Variants in DNAH11 observed in about 807,000 individuals in gnomAD.
DNAH11 encodes the protein dynein axonemal heavy chain 11.
DNAH11 carries 442 observed loss-of-function variants against 526.0 expected under a neutral mutation model. The ratio of observed to expected loss-of-function variants is 0.84; its 90% confidence interval spans 0.78 to 0.91. DNAH11 has a LOEUF of 0.91. Ranked by LOEUF, DNAH11 falls within the 40% of genes least tolerant of loss-of-function variation. The pLI, the probability that DNAH11 is intolerant of heterozygous loss-of-function variation, is 0.00. For missense variants in DNAH11, 6,989 were observed against 5,448.7 expected (o/e 1.28, Z -8.90); for synonymous variants, 2,461 against 1,935.9 (o/e 1.27, Z -7.12).
At chr7:21,869,133 G>C in intron 73 of DNAH11, 142 bp downstream of exon 73, 2 of 1,233,798 alleles carry the variant, frequency 1.6e-6, no homozygotes, top group Non-Finnish European at 2.2e-6. Context: ...CAGTGTTCAT[G>C]ATGCCTGCAA....
chr7:21,794,805 T>G (rs1279269339), intron 61 of DNAH11, among the ~76,000 whole-genome samples: 1 of 152,172 alleles, frequency 6.6e-6, no homozygotes, highest in Non-Finnish European at 1.5e-5. Context: ...AAAAAGCAGT[T>G]TTCTTGCAAG....
chr7:21,607,163 T>C (rs1324367167), intron 20 of DNAH11, among the ~76,000 whole-genome samples: 2 of 151,488 alleles, frequency 1.3e-5, no homozygotes, highest in South Asian at 2.1e-4. Context: ...AGCAAGCTGG[T>C]GTAGGTCCAA....
intron 1 of DNAH11, chr7:21,543,818 A>AC: frequency 1.7e-6 from 1 of 573,356 alleles, no homozygotes; most frequent in East Asian, 3.0e-5. Flanking sequence ...TTTGTATCTG[A>AC]CCGAGAATCC....
At chr7:21,571,747 C>G in intron 7 of DNAH11, 59 bp from the exon 8 acceptor site, 1 of 1,315,522 alleles carries the variant, frequency 7.6e-7, no homozygotes, top group Non-Finnish European at 1.0e-6. Flanking sequence ...TGATTTGAAA[C>G]TTTAAAATAT....
chr7:21,832,230 G>C (rs1249647672), intron 65 of DNAH11, among the ~76,000 whole-genome samples: 1 of 152,152 alleles, frequency 6.6e-6, no homozygotes, highest in African/African-American at 2.4e-5. Flanking sequence ...TATGATGCTA[G>C]CTGGTTGTTT....
chr7:21,884,261 C>T (rs1283917611), intron 75 of DNAH11, 30 bp from the exon 76 acceptor site: 3 of 1,579,406 alleles, frequency 1.9e-6, no homozygotes, highest in East Asian at 2.3e-5. Flanking sequence ...CTGCACCCAG[C>T]AGTGAATATT....
At position 21,676,223 on chromosome 7, in the gene DNAH11, A is replaced by T. The variant is rs918199950; in HGVS notation, c.5329-5323A>T. 1.6e-4 allele frequency among the ~76,000 whole-genome samples: 25 copies of T among 152,318 alleles called. No homozygotes were observed. The East Asian group carries it at 4.8e-3, about 29-fold the overall frequency. On this transcript the variant is annotated intron_variant, in intron 30 of 81. Coordinates refer to ENST00000409508, the MANE Select transcript of DNAH11 (RefSeq NM_001277115.2). ...TAATGAAGCCAAGATGTCCCAGGAA[A>T]ATAGCCACTTGAGTTTCAAAGGGGC...
At chr7:21,790,217 C>A (rs1176347320) in intron 61 of DNAH11, among the ~76,000 whole-genome samples, 2 of 152,036 alleles carry the variant, frequency 1.3e-5, no homozygotes, top group Admixed American at 1.3e-4. Context: ...GAGGCCAAGG[C>A]GGGCAGATCA....
chr7:21,737,974 G>T (rs1785690297), intron 46 of DNAH11, among the ~76,000 whole-genome samples: 1 of 151,834 alleles, frequency 6.6e-6, no homozygotes, highest in Non-Finnish European at 1.5e-5. Context: ...TTATTTGTTT[G>T]CTCATTTAAA....
At chr7:21,589,133 G>T in intron 11 of DNAH11, 75 bp from the exon 12 acceptor site, 1 of 1,125,920 alleles carries the variant, frequency 8.9e-7, no homozygotes, top group Non-Finnish European at 1.2e-6. Context: ...TTTATATATT[G>T]TATTACTATA....
In DNAH11 at chr7:21,837,349, C is replaced by T. The variant is rs75601826; in HGVS notation, c.10692-5195C>T. Among the ~76,000 whole-genome samples the T allele has an allele frequency of 5.8e-3, 878 of 151,984 alleles. 6 individuals carry two copies. Among genetic ancestry groups the T allele is most frequent in the African/African-American group, 0.02 (831 of 41,444 alleles). On this transcript the variant is annotated intron_variant, in intron 65 of 81. Transcript: ENST00000409508. ...GAGTCAACCTATCAACAGTTGAATG[C>T]GTAATGAAAGTATGGTATATATACA...
intron 27 of DNAH11, among the ~76,000 whole-genome samples, chr7:21,638,271 G>A (rs1395024246): frequency 6.6e-6 from 1 of 152,124 alleles, no homozygotes; most frequent in Non-Finnish European, 1.5e-5. Context: ...TTATTGCAAG[G>A]TAAGGAGAAG....
At chr7:21,555,649 C>T (rs1783190781) in intron 2 of DNAH11, among the ~76,000 whole-genome samples, 1 of 152,186 alleles carries the variant, frequency 6.6e-6, no homozygotes. Flanking sequence ...CAAGGCAGTA[C>T]CTATAGTCCA....
intron 55 of DNAH11, 132 bp downstream of exon 55, chr7:21,765,721 G>A (rs745662535): frequency 4.5e-5 from 56 of 1,249,936 alleles, no homozygotes; most frequent in Non-Finnish European, 5.6e-5. Flanking sequence ...AAGCTATCCT[G>A]ATTTGTTTAA....
At chr7:21,864,265 A>G (rs1045683435) in intron 69 of DNAH11, among the ~76,000 whole-genome samples, 3 of 152,238 alleles carry the variant, frequency 2.0e-5, no homozygotes, top group South Asian at 2.1e-4. Flanking sequence ...ATACGAATGC[A>G]TATTTTAAAT....
At chr7:21,713,977 A>G (rs1007668723) in intron 42 of DNAH11, among the ~76,000 whole-genome samples, 9 of 152,170 alleles carry the variant, frequency 5.9e-5, no homozygotes. Context: ...CTCCCTCTGT[A>G]CAGAGAACCC....
intron 54 of DNAH11, among the ~76,000 whole-genome samples, chr7:21,754,805 G>T (rs546460617): frequency 1.3e-5 from 2 of 152,232 alleles, no homozygotes; most frequent in African/African-American, 4.8e-5. Flanking sequence ...TACCTTGAGG[G>T]AGAAATATTA....
At chr7:21,792,131 A>G (rs944454436) in intron 61 of DNAH11, among the ~76,000 whole-genome samples, 2 of 152,140 alleles carry the variant, frequency 1.3e-5, no homozygotes, top group African/African-American at 4.8e-5. Context: ...ATAAAGGGGT[A>G]TTGAATTTTG....
chr7:21,576,413 A>G lies in DNAH11; in HGVS notation c.1593+4440A>G, dbSNP rs954827832. Among the ~76,000 whole-genome samples, 10 of 152,306 alleles carry G rather than the reference A, an allele frequency of 6.6e-5. No individual in the cohort carries two copies. The East Asian group carries it at 1.5e-3, about 23-fold the overall frequency. On this transcript the variant is annotated intron_variant, in intron 8 of 81. Coordinates refer to ENST00000409508, the MANE Select transcript of DNAH11 (RefSeq NM_001277115.2). The stretch of plus-strand genomic sequence containing the variant: ...GGGGTTGTAGGGGAGAGGAGATAAA[A>G]GGAAGCCAAGATCTGAGATCCCAGA...
Sources: allele counts gnomAD v4.1 joint callset (sites outside exome capture counted in the v4.1 genomes callset), GRCh38; gene constraint gnomAD v4.1.1; transcripts MANE v1.5; gene names NCBI Gene and HGNC (gene_info 2026-07-23, HGNC 2026-07-21).